Variants in PARD3B observed in about 807,000 individuals in gnomAD.
PARD3B encodes the protein par-3 family cell polarity regulator beta.
Under a neutral mutation model 130.2 loss-of-function variants are expected in PARD3B, and 103 were observed. That is an observed-to-expected ratio of 0.79 (90% CI 0.67 to 0.93). The LOEUF (loss-of-function observed/expected upper bound fraction) is 0.93. Ranked by LOEUF, PARD3B falls within the 40% of genes least tolerant of loss-of-function variation. PARD3B has a pLI of 0.00. For missense variants in PARD3B, 1,609 were observed against 1,499.2 expected, an observed-to-expected ratio of 1.07 and a Z score of -1.21; for synonymous variants, 583 against 553.2, an observed-to-expected ratio of 1.05 and a Z score of -0.76.
intron 4 of PARD3B, among the ~76,000 whole-genome samples, chr2:205,068,757 G>A (rs188742938): frequency 1.3e-4 from 20 of 152,132 alleles, no homozygotes; most frequent in African/African-American, 3.6e-4. Flanking sequence ...ATTTCTAAAT[G>A]CTTTGATTTC....
intron 2 of PARD3B, among the ~76,000 whole-genome samples, chr2:204,926,735 C>G (rs1323675297): frequency 6.6e-6 from 1 of 151,992 alleles, no homozygotes; most frequent in Non-Finnish European, 1.5e-5. Context: ...TACAGTATAC[C>G]AGAACCCAAG....
intron 2 of PARD3B, among the ~76,000 whole-genome samples, chr2:204,739,803 T>C (rs2039919537): frequency 6.6e-6 from 1 of 152,086 alleles, no homozygotes. Context: ...TAAACAGTTA[T>C]TTTTATCGGA....
chr2:204,583,488 G>T (rs887678917), intron 1 of PARD3B, among the ~76,000 whole-genome samples: 1 of 108,632 alleles, frequency 9.2e-6, no homozygotes. Context: ...GGTGGGGGGA[G>T]GGGGGAGGGG....
At chr2:204,728,568 C>A (rs2039343419) in intron 2 of PARD3B, among the ~76,000 whole-genome samples, 1 of 151,898 alleles carries the variant, frequency 6.6e-6, no homozygotes, top group South Asian at 2.1e-4. Flanking sequence ...TTACATGATA[C>A]CTATTTGTGT....
In PARD3B at chr2:204,967,901, G is replaced by A. The variant is rs1691386529; in HGVS notation, c.394+2578G>A. On this transcript the variant is annotated intron_variant, in intron 3 of 22. Coordinates refer to ENST00000406610, the MANE Select transcript of PARD3B (RefSeq NM_001302769.2). This position sits in a 1 kb window ranked among gnomAD's most constrained non-coding sequence, Gnocchi z 4.4. Reference sequence around the variant, plus strand: ...CTGGTCCACCCTGAAAGCCTGCTTAGGTGAAGAATGGGAGGGGCGGTGAGA... The same window carrying A: ...CTGGTCCACCCTGAAAGCCTGCTTAAGTGAAGAATGGGAGGGGCGGTGAGA... 1.3e-5 allele frequency among the ~76,000 whole-genome samples: 2 copies of A among 152,132 alleles called. No individual in the cohort carries two copies. Among genetic ancestry groups the A allele is most frequent in the African/African-American group, 4.8e-5 (2 of 41,422 alleles).
intron 2 of PARD3B, among the ~76,000 whole-genome samples, chr2:204,919,957 G>A (rs1460324677): frequency 1.3e-5 from 2 of 151,454 alleles, no homozygotes; most frequent in Non-Finnish European, 2.9e-5. Context: ...CTTCCATTTA[G>A]ACAGACACAT....
At chr2:205,567,993 C>A (rs2053421244) in intron 22 of PARD3B, among the ~76,000 whole-genome samples, 1 of 152,104 alleles carries the variant, frequency 6.6e-6, no homozygotes, top group Non-Finnish European at 1.5e-5. Context: ...ACTTTTGGTC[C>A]CATTTGTCAT....
chr2:204,678,581 G>A lies in PARD3B; in HGVS notation c.121-7600G>A, dbSNP rs1264075907. On this transcript the variant is annotated intron_variant, in intron 1 of 22. Coordinates refer to ENST00000406610, the MANE Select transcript of PARD3B (RefSeq NM_001302769.2). This position sits in a 1 kb window ranked among gnomAD's most constrained non-coding sequence, Gnocchi z 4.2. ...AAGCCTGGCTGACTCCAGCCGGGTC[G>A]TCTCCGAAGTCGTGTGGTCTGACAT... 4.6e-5 allele frequency among the ~76,000 whole-genome samples: 7 copies of A among 152,054 alleles called. No individual in the cohort carries two copies. Among genetic ancestry groups the A allele is most frequent in the South Asian group, 2.1e-4 (1 of 4,824 alleles).
chr2:205,153,278 A>G (rs1029831152), intron 10 of PARD3B, among the ~76,000 whole-genome samples: 2 of 152,120 alleles, frequency 1.3e-5, no homozygotes, highest in African/African-American at 4.8e-5. Flanking sequence ...TCAGATCTCA[A>G]ACTCCATGCT....
intron 18 of PARD3B, among the ~76,000 whole-genome samples, chr2:205,388,718 A>C (rs1002062994): frequency 2.0e-5 from 3 of 152,200 alleles, no homozygotes; most frequent in African/African-American, 7.2e-5. Context: ...TGAAAAAAAA[A>C]CTTGTCTTTT....
At chr2:205,068,463 C>T (rs1700524451) in intron 4 of PARD3B, among the ~76,000 whole-genome samples, 1 of 152,052 alleles carries the variant, frequency 6.6e-6, no homozygotes. Flanking sequence ...TTTAAGGAAA[C>T]AGCTTTTGAT....
intron 1 of PARD3B, among the ~76,000 whole-genome samples, chr2:204,581,071 A>C (rs1056540307): frequency 1.3e-5 from 2 of 152,220 alleles, no homozygotes; most frequent in Admixed American, 6.5e-5. Context: ...ACAAGCCAAT[A>C]GATGTATCAC....
intron 1 of PARD3B, among the ~76,000 whole-genome samples, chr2:204,593,327 G>T (rs777974740): frequency 2.4e-4 from 36 of 152,176 alleles, no homozygotes; most frequent in Admixed American, 8.5e-4. Flanking sequence ...CAGTAGAGTG[G>T]TGGGTAGGGG....
At position 204,840,503 on chromosome 2, in the gene PARD3B, AAAG is replaced by A. The variant is rs376393763; in HGVS notation, c.223-124645_223-124643del. 3.1e-3 allele frequency among the ~76,000 whole-genome samples: 475 copies of A among 152,062 alleles called. 1 individual carries two copies. The highest frequency in any genetic ancestry group is 0.011 in the African/African-American group (461 of 41,378). On this transcript the variant is annotated intron_variant, in intron 2 of 22. Transcript: ENST00000406610. ...CGAATACATGAAAATAGATTTTAAA[AAAG>A]AAGTGAATAAAATAGATGAATTTGT...
chr2:205,185,616 A>T, intron 13 of PARD3B, 148 bp from the exon 14 acceptor site: 1 of 594,940 alleles, frequency 1.7e-6, no homozygotes, highest in Non-Finnish European at 3.1e-6. Flanking sequence ...TCTCATAAGG[A>T]TCCTTCAGTT....
chr2:204,771,418 A>C lies in PARD3B; in HGVS notation c.222+85136A>C, dbSNP rs189103499. ...TTGAGAATAAGAGAATTGTACTGAG[A>C]ACACTATGTTTTAATGGTTAGTTAT... On this transcript the variant is annotated intron_variant, in intron 2 of 22. Coordinates refer to ENST00000406610, the MANE Select transcript of PARD3B (RefSeq NM_001302769.2). 6.0e-4 allele frequency among the ~76,000 whole-genome samples: 92 copies of C among 152,188 alleles called. 3 individuals are homozygous for C. Among genetic ancestry groups the C allele is most frequent in the Admixed American group, 2.6e-4 (4 of 15,252 alleles).
chr2:205,121,844 C>G lies in PARD3B; in HGVS notation c.1060C>G (p.Arg354Gly), dbSNP rs773130577. 23 of 1,614,040 alleles carry G rather than the reference C, an allele frequency of 1.4e-5. No individual in the cohort carries two copies. Among genetic ancestry groups the G allele is most frequent in the Non-Finnish European group, 1.9e-5 (22 of 1,180,002 alleles). The change falls in exon 8 of 23, where the codon CGA becomes GGA. Residue 354 changes from arginine (R) to glycine (G), a missense_variant. Coordinates refer to ENST00000406610, the MANE Select transcript of PARD3B (RefSeq NM_001302769.2). The surrounding 1 kb of genome is among the most constrained non-coding windows in gnomAD (Gnocchi z 5.0). ...TTCCCTGCAACAAAACAAGAGTCCC[C>G]GAGTACCAAGGCTGGGAGGAAAACC... Reference protein sequence around the residue: ...SASLQQNKSPRVPRLGGKPSS... With the variant: ...SASLQQNKSPGVPRLGGKPSS...
At chr2:204,735,408 T>C (rs796657244) in intron 2 of PARD3B, among the ~76,000 whole-genome samples, 1 of 152,112 alleles carries the variant, frequency 6.6e-6, no homozygotes, top group African/African-American at 2.4e-5. Context: ...TAATTTTCAA[T>C]GTACAGGAAA....
chr2:205,573,351 G>A (rs1453298961), intron 22 of PARD3B, among the ~76,000 whole-genome samples: 1 of 152,222 alleles, frequency 6.6e-6, no homozygotes, highest in Admixed American at 6.5e-5. Flanking sequence ...AGCCAGGCTG[G>A]AACAACTGGG....
Sources: gnomAD v4.1 joint callset for allele counts (sites outside exome capture counted in the v4.1 genomes callset) on GRCh38, gnomAD v4.1.1 for gene constraint, Gnocchi (gnomAD v3.1) non-coding constraint, MANE v1.5 for transcripts, NCBI Gene and HGNC (gene_info 2026-07-23, HGNC 2026-07-21) for gene names.